The following KIZ variants were observed in gnomAD, a reference collection of about 807,000 sequenced individuals.
KIZ encodes the protein centrosomal protein kizuna.
A neutral mutation model predicts 79.6 loss-of-function variants in KIZ; 68 were observed. The ratio of observed to expected loss-of-function variants is 0.85; its 90% CI spans 0.70 to 1.05. KIZ has a LOEUF of 1.05. Among genes scored for constraint, KIZ ranks in the 50% least tolerant of loss-of-function variants. The probability of loss-of-function intolerance (pLI) is 0.00; values close to 1 mark genes in which losing one functional copy is unlikely to be tolerated. For synonymous variants in KIZ, 280 were observed against 281.8 expected (o/e 0.99, Z 0.06); for missense variants, 797 against 800.4 (o/e 1.00, Z 0.05).
chr20:21,142,080 C>T (rs1005383506), intron 3 of KIZ, among the ~76,000 whole-genome samples: 1 of 151,814 alleles, frequency 6.6e-6, no homozygotes, highest in African/African-American at 2.4e-5. Context: ...TTATCTCCCG[C>T]ACACGTACAC....
At chr20:21,244,828 AG>A (rs1331901998) in intron 12 of KIZ, 1 of 153,624 alleles carries the variant, frequency 6.5e-6, no homozygotes, top group Non-Finnish European at 1.4e-5. Context: ...CATTCCTGGG[AG>A]GCCCCAGCCC....
intron 6 of KIZ, among the ~76,000 whole-genome samples, chr20:21,185,117 G>A (rs74872513): frequency 0.014 from 2,207 of 152,244 alleles, 49 homozygotes; most frequent in African/African-American, 0.05. Flanking sequence ...CGTGCTTTCT[G>A]TACTTTTATA....
intron 4 of KIZ, among the ~76,000 whole-genome samples, chr20:21,154,431 TAATA>T (rs761634987): frequency 1.3e-5 from 2 of 152,334 alleles, no homozygotes; most frequent in South Asian, 4.1e-4. Flanking sequence ...TTCTGTTCAC[TAATA>T]AATATTTTCA....
intron 9 of KIZ, among the ~76,000 whole-genome samples, chr20:21,220,959 G>A (rs1025338418): frequency 2.0e-5 from 3 of 152,184 alleles, no homozygotes; most frequent in Admixed American, 6.5e-5. Context: ...CAGCATGCAA[G>A]GATTTTCAAA....
At chr20:21,167,453 G>A (rs775428106) in intron 6 of KIZ, among the ~76,000 whole-genome samples, 20 of 152,098 alleles carry the variant, frequency 1.3e-4, no homozygotes, top group Non-Finnish European at 1.9e-4. Flanking sequence ...ACTCAGGTAA[G>A]CAGTAGTGGA....
At chr20:21,207,947 G>A (rs545707336) in intron 7 of KIZ, among the ~76,000 whole-genome samples, 12 of 152,100 alleles carry the variant, frequency 7.9e-5, no homozygotes, top group East Asian at 7.8e-4. Flanking sequence ...TCCTGACCTC[G>A]GGTGATCCGC....
chr20:21,242,464 C>T (rs2037250031), intron 11 of KIZ, among the ~76,000 whole-genome samples: 1 of 150,466 alleles, frequency 6.6e-6, no homozygotes, highest in Non-Finnish European at 1.5e-5. Flanking sequence ...GAGGTTGTTG[C>T]AGAGAGAGAA....
intron 1 of KIZ, among the ~76,000 whole-genome samples, chr20:21,127,356 A>G (rs1208431760): frequency 6.6e-6 from 1 of 151,824 alleles, no homozygotes; most frequent in African/African-American, 2.4e-5. Flanking sequence ...AACTTTTGTG[A>G]CTCTTGGCAT....
At chr20:21,204,383 A>G (rs893351285) in intron 6 of KIZ, among the ~76,000 whole-genome samples, 2 of 151,986 alleles carry the variant, frequency 1.3e-5, no homozygotes, top group African/African-American at 2.4e-5. Flanking sequence ...CCAAAGTGCA[A>G]GATTCATCTA....
At chr20:21,246,234 G>A (rs1029972417) in intron 12 of KIZ, 4 of 495,282 alleles carry the variant, frequency 8.1e-6, no homozygotes, top group Non-Finnish European at 1.4e-5. Context: ...GGGCACAACA[G>A]AAGGGAAAAG....
chr20:21,135,237 A>G lies in KIZ; in HGVS notation c.153-1153A>G, dbSNP rs116456739. On this transcript the variant is annotated intron_variant, in intron 2 of 12. Coordinates refer to ENST00000619189, the MANE Select transcript of KIZ (RefSeq NM_018474.6). ...TTAATGTGGTAGCTGGAATGGAACT[A>G]GAATTTGGATGGAGAAGGCATAGTA... 3.4e-3 allele frequency among the ~76,000 whole-genome samples: 519 copies of G among 152,304 alleles called. 3 individuals are homozygous for G. Among genetic ancestry groups the G allele is most frequent in the African/African-American group, 0.012 (490 of 41,558 alleles).
chr20:21,182,228 A>T (rs1266340109), intron 6 of KIZ, among the ~76,000 whole-genome samples: 1 of 150,620 alleles, frequency 6.6e-6, no homozygotes, highest in Non-Finnish European at 1.5e-5. Flanking sequence ...GAGACACAAG[A>T]GAGCTCTGTC....
chr20:21,177,975 A>T (rs1438527286), intron 6 of KIZ, among the ~76,000 whole-genome samples: 1 of 152,058 alleles, frequency 6.6e-6, no homozygotes, highest in African/African-American at 2.4e-5. Context: ...TGTTTTGATT[A>T]TGGTAGCTTT....
At chr20:21,232,149 C>G (rs536725728) in intron 10 of KIZ, among the ~76,000 whole-genome samples, 3 of 152,206 alleles carry the variant, frequency 2.0e-5, no homozygotes, top group Non-Finnish European at 1.5e-5. Context: ...AGGGATTGCC[C>G]TGCAAACTGG....
chr20:21,238,731 C>T (rs976128490), intron 11 of KIZ, among the ~76,000 whole-genome samples: 2 of 152,266 alleles, frequency 1.3e-5, no homozygotes, highest in East Asian at 1.9e-4. Context: ...GTCTCCTCAC[C>T]GGAGCGTGGG....
intron 9 of KIZ, among the ~76,000 whole-genome samples, chr20:21,227,287 C>T (rs547481525): frequency 3.9e-4 from 59 of 152,190 alleles, no homozygotes; most frequent in Non-Finnish European, 7.5e-4. Context: ...GCAGGAGAGC[C>T]GTCTCACTGG....
intron 6 of KIZ, among the ~76,000 whole-genome samples, chr20:21,168,779 C>T (rs559634598): frequency 1.3e-5 from 2 of 152,220 alleles, no homozygotes; most frequent in Admixed American, 6.5e-5. Context: ...AATGATGCTG[C>T]ATATCTACAA....
At chr20:21,214,770 C>A in intron 8 of KIZ, 70 bp downstream of exon 8, 1 of 989,334 alleles carries the variant, frequency 1.0e-6, no homozygotes, top group Non-Finnish European at 1.6e-6. Context: ...TCTCAAGGTA[C>A]ACCTATAGAA....
At chr20:21,146,821 A>T (rs1404917034) in intron 4 of KIZ, among the ~76,000 whole-genome samples, 1 of 152,054 alleles carries the variant, frequency 6.6e-6, no homozygotes, top group African/African-American at 2.4e-5. Context: ...TTCCTCATAG[A>T]TTAAAAAATT....
Sources: allele counts gnomAD v4.1 joint callset (sites outside exome capture counted in the v4.1 genomes callset), GRCh38; gene constraint gnomAD v4.1.1; transcripts MANE v1.5; gene names NCBI Gene and HGNC (gene_info 2026-07-23, HGNC 2026-07-21).